ADCY9: variants seen among roughly 807,000 people sequenced by gnomAD.
ADCY9 encodes adenylate cyclase 9.
In ADCY9, 50 loss-of-function variants were observed where a neutral mutation model predicts 101.5. The observed-to-expected ratio is 0.49, with a 90% confidence interval of 0.39 to 0.62. ADCY9 has a LOEUF of 0.62. Ranked by LOEUF, ADCY9 falls within the 20% of genes least tolerant of loss-of-function variation. The pLI, the probability that ADCY9 is intolerant of heterozygous loss-of-function variation, is 0.00. For missense variants in ADCY9, 1,662 were observed against 1,800.4 expected (o/e 0.92, Z 1.39); for synonymous variants, 905 against 769.3 (o/e 1.18, Z -2.92).
chr16:4,097,628 C>CTTG (rs2057016976), intron 2 of ADCY9, among the ~76,000 whole-genome samples: 1 of 141,286 alleles, frequency 7.1e-6, no homozygotes, highest in Non-Finnish European at 1.5e-5. Flanking sequence ...ATCTCAGCAA[C>CTTG]CTCCATCTCC....
intron 4 of ADCY9, among the ~76,000 whole-genome samples, chr16:3,993,148 G>A (rs183011506): frequency 1.3e-5 from 2 of 152,082 alleles, no homozygotes; most frequent in Non-Finnish European, 2.9e-5. Flanking sequence ...TCGAATCCAC[G>A]CATTTTAAAC....
intron 6 of ADCY9, among the ~76,000 whole-genome samples, chr16:3,986,494 G>A (rs2056194319): frequency 6.6e-6 from 1 of 152,062 alleles, no homozygotes; most frequent in African/African-American, 2.4e-5. Context: ...TTCTTGCCCA[G>A]GCCGGAGTGC....
At chr16:4,077,825 C>T (rs1257435135) in intron 2 of ADCY9, among the ~76,000 whole-genome samples, 1 of 152,042 alleles carries the variant, frequency 6.6e-6, no homozygotes, top group Non-Finnish European at 1.5e-5. Flanking sequence ...CATGGCAAAA[C>T]GCCATCTCTA....
intron 3 of ADCY9, among the ~76,000 whole-genome samples, chr16:3,997,393 A>C (rs2056295830): frequency 6.6e-6 from 1 of 152,208 alleles, no homozygotes; most frequent in African/African-American, 2.4e-5. Context: ...CACTGGGATG[A>C]GGCTGAGCTC....
intron 2 of ADCY9, among the ~76,000 whole-genome samples, chr16:4,100,802 G>A (rs1355909852): frequency 6.6e-6 from 1 of 151,636 alleles, no homozygotes; most frequent in Non-Finnish European, 1.5e-5. Flanking sequence ...TATAGAAAGG[G>A]AAAGAACCAA....
At chr16:4,010,655 T>C (rs1268792533) in intron 2 of ADCY9, among the ~76,000 whole-genome samples, 1 of 152,138 alleles carries the variant, frequency 6.6e-6, no homozygotes, top group South Asian at 2.1e-4. Context: ...GGTATGACTA[T>C]GGTCAGGCGT....
intron 2 of ADCY9, among the ~76,000 whole-genome samples, chr16:4,051,818 T>C (rs2056703790): frequency 6.6e-6 from 1 of 152,104 alleles, no homozygotes; most frequent in African/African-American, 2.4e-5. Context: ...TTGGCAATGC[T>C]CATACTAATT....
At chr16:4,113,144 G>A (rs1280266794) in intron 2 of ADCY9, among the ~76,000 whole-genome samples, 1 of 151,422 alleles carries the variant, frequency 6.6e-6, no homozygotes, top group Non-Finnish European at 1.5e-5. Flanking sequence ...ACAAATGATG[G>A]CTGAAAGCTG....
At position 4,002,347 on chromosome 16, in the gene ADCY9, C is replaced by T. The variant is rs1471388462; in HGVS notation, c.1884+5021G>A. On this transcript the variant is annotated intron_variant, in intron 3 of 10. Coordinates refer to ENST00000294016, the MANE Select transcript of ADCY9 (RefSeq NM_001116.4). ...TGAGCCTACTCATAATGACTTGACA[C>T]ATAGAAAACAAGTAGATAAAAGAAG... Among the ~76,000 whole-genome samples, 8 of 152,262 alleles carry T rather than the reference C, an allele frequency of 5.3e-5. No individual in the cohort carries two copies. In the East Asian group the frequency reaches 1.5e-3, roughly 29 times the overall value.
chr16:3,963,289 C>T lies in ADCY9; in HGVS notation c.*2486G>A, dbSNP rs180810785. The T allele has an allele frequency of 6.1e-4, 243 of 398,704 alleles. 5 individuals are homozygous for T. The South Asian group carries it at 0.029, about 48-fold the overall frequency. The allele number at this position is 398,704 out of a possible 1,614,324, so 24.7% of individuals were successfully genotyped here. On this transcript the variant is annotated 3_prime_UTR_variant, in exon 11 of 11. Coordinates refer to ENST00000294016, the MANE Select transcript of ADCY9 (RefSeq NM_001116.4). ...TGCCACCCTGAAGCACGACCCATGC[C>T]GTCAGCAGCCCTCGTGCCAGCTGCT...
chr16:4,080,717 C>CA (rs1394077011), intron 2 of ADCY9, among the ~76,000 whole-genome samples: 150 of 70,284 alleles, frequency 2.1e-3, no homozygotes, highest in African/African-American at 9.0e-3. Context: ...ACATTTTTTT[C>CA]GTTTTTTTTT....
chr16:4,018,357 C>G (rs1193506788), intron 2 of ADCY9, among the ~76,000 whole-genome samples: 3 of 152,064 alleles, frequency 2.0e-5, no homozygotes, highest in African/African-American at 7.2e-5. Context: ...GGATTACAGG[C>G]ACCTGCCACC....
chr16:4,113,675 C>A (rs1241286604), intron 2 of ADCY9, 75 bp downstream of exon 2: 20 of 1,518,544 alleles, frequency 1.3e-5, no homozygotes, highest in Non-Finnish European at 1.8e-5. Flanking sequence ...GACACTGAGG[C>A]TGGAAGCTTT....
At chr16:4,080,718 GT>G (rs35038759) in intron 2 of ADCY9, among the ~76,000 whole-genome samples, 19 of 143,684 alleles carry the variant, frequency 1.3e-4, no homozygotes, top group Admixed American at 2.8e-4. Context: ...CATTTTTTTC[GT>G]TTTTTTTTTT....
At chr16:4,111,011 G>T (rs1169117734) in intron 2 of ADCY9, among the ~76,000 whole-genome samples, 1 of 152,200 alleles carries the variant, frequency 6.6e-6, no homozygotes, top group Admixed American at 6.5e-5. Context: ...CACATCCACA[G>T]TGCCAGGTGC....
intron 2 of ADCY9, among the ~76,000 whole-genome samples, chr16:4,055,350 T>C (rs910467854): frequency 6.6e-6 from 1 of 151,676 alleles, no homozygotes; most frequent in Non-Finnish European, 1.5e-5. Context: ...CTGGCCAACA[T>C]GGTGAAACCC....
chr16:3,957,728 G>C (rs1220949430), downstream of ADCY9, among the ~76,000 whole-genome samples: 1 of 152,158 alleles, frequency 6.6e-6, no homozygotes, highest in Non-Finnish European at 1.5e-5. Flanking sequence ...GCAGGGCTAG[G>C]GGGCGGTTCA....
At chr16:4,039,792 C>A (rs113840363) in intron 2 of ADCY9, among the ~76,000 whole-genome samples, 4,971 of 151,468 alleles carry the variant, frequency 0.033, 286 homozygotes, top group African/African-American at 0.11. Context: ...TAATCCCAGC[C>A]CTTTGGGAGG....
intron 2 of ADCY9, among the ~76,000 whole-genome samples, chr16:4,016,737 G>A (rs1008948861): frequency 9.2e-5 from 14 of 152,180 alleles, no homozygotes; most frequent in Admixed American, 2.0e-4. Flanking sequence ...AAAAGGCCAC[G>A]AACTAGGTGA....
Sources: allele counts gnomAD v4.1 joint callset (sites outside exome capture counted in the v4.1 genomes callset), GRCh38; gene constraint gnomAD v4.1.1; transcripts MANE v1.5; gene names NCBI Gene and HGNC (gene_info 2026-07-23, HGNC 2026-07-21).